CAMTA1: variants seen among roughly 807,000 people sequenced by gnomAD.
CAMTA1 encodes calmodulin binding transcription activator 1, also known as calmodulin-binding transcription activator 1.
In CAMTA1, 27 loss-of-function variants were observed where a neutral mutation model predicts 170.9. That is an observed-to-expected ratio of 0.16 (90% CI 0.12 to 0.22). The LOEUF (loss-of-function observed/expected upper bound fraction) is 0.22. Among genes scored for constraint, CAMTA1 ranks in the 10% least tolerant of loss-of-function variants. The pLI, the probability that CAMTA1 is intolerant of heterozygous loss-of-function variation, is 1.00. For missense variants in CAMTA1, 1,619 were observed against 2,217.2 expected, an observed-to-expected ratio of 0.73 and a Z score of 5.42; for synonymous variants, 833 against 891.5, an observed-to-expected ratio of 0.93 and a Z score of 1.17.
At chr1:7,270,228 T>C (rs1369126019) in intron 5 of CAMTA1, among the ~76,000 whole-genome samples, 1,279 of 87,082 alleles carry the variant, frequency 0.015, 13 homozygotes, top group African/African-American at 0.061. Context: ...TATACATATA[T>C]ATACACATAT....
intron 5 of CAMTA1, among the ~76,000 whole-genome samples, chr1:7,444,901 C>T (rs2092639874): frequency 1.3e-5 from 2 of 152,178 alleles, no homozygotes; most frequent in Admixed American, 1.3e-4. Context: ...ATGCCAGGCC[C>T]TGAGAATATA....
At chr1:7,607,061 A>G in intron 6 of CAMTA1, among the ~76,000 whole-genome samples, 1 of 152,184 alleles carries the variant, frequency 6.6e-6, no homozygotes, top group East Asian at 1.9e-4. Flanking sequence ...AGAAGGGAGG[A>G]CGGATGCATG....
Position 7,499,756 on chromosome 1 carries a change from G to T in CAMTA1, c.510+31855G>T, listed in dbSNP as rs1453597408. ...TGAGTGAGTGTGTAGAGAGGATTGT[G>T]TGAGCCTGTTGTGAGTGTGTGTGTC... is the stretch of plus-strand genomic sequence containing the variant. On this transcript the variant is annotated intron_variant, in intron 6 of 22. Coordinates refer to ENST00000303635, the MANE Select transcript of CAMTA1 (RefSeq NM_015215.4). Among the ~76,000 whole-genome samples, 3 of 140,570 alleles carry T rather than the reference G, an allele frequency of 2.1e-5. 1 individual carries two copies. The highest frequency in any genetic ancestry group is 4.6e-5 in the Non-Finnish European group (3 of 65,312). 92.2% of individuals were successfully genotyped at this position (140,570 alleles called of 152,430 possible).
intron 6 of CAMTA1, among the ~76,000 whole-genome samples, chr1:7,520,217 CT>C: frequency 1.5e-3 from 1 of 688 alleles, no homozygotes; most frequent in Non-Finnish European, 2.6e-3. Context: ...CCTCCTCCTC[CT>C]CCTCCTCCTC....
At chr1:7,475,409 C>T (rs922759897) in intron 6 of CAMTA1, among the ~76,000 whole-genome samples, 1 of 152,188 alleles carries the variant, frequency 6.6e-6, no homozygotes, top group African/African-American at 2.4e-5. Context: ...ACATTTGGAC[C>T]CATGTGCTTC....
intron 7 of CAMTA1, among the ~76,000 whole-genome samples, chr1:7,650,339 T>A (rs1240104743): frequency 6.6e-6 from 1 of 152,202 alleles, no homozygotes; most frequent in Non-Finnish European, 1.5e-5. Flanking sequence ...GGAGATTTCC[T>A]GTGAGGCCAG....
chr1:7,024,507 C>G (rs1318107371), intron 3 of CAMTA1, among the ~76,000 whole-genome samples: 1 of 152,248 alleles, frequency 6.6e-6, no homozygotes, highest in Non-Finnish European at 1.5e-5. Flanking sequence ...AAATAGGATA[C>G]TTTTGGTTCT....
At chr1:7,168,661 C>T (rs1648995436) in intron 4 of CAMTA1, among the ~76,000 whole-genome samples, 1 of 152,224 alleles carries the variant, frequency 6.6e-6, no homozygotes. Context: ...ACCTCGGCCT[C>T]CTAAAGTGCT....
Position 7,766,738 on chromosome 1 carries a change from T to C in CAMTA1, c.*247T>C. The C allele has an allele frequency of 2.0e-6, 1 of 500,852 alleles. No homozygotes were observed. Among genetic ancestry groups the C allele is most frequent in the Non-Finnish European group, 3.6e-6 (1 of 279,274 alleles). 31.0% of individuals were successfully genotyped at this position (500,852 alleles called of 1,614,324 possible). On this transcript the variant is annotated 3_prime_UTR_variant, in exon 23 of 23. Transcript: ENST00000303635. Reference sequence around the variant, plus strand: ...TTTGATCAGCAAGACATCTTGGAACTCAATCTTCTGTTGGATCACGGGAAA... The same window carrying C: ...TTTGATCAGCAAGACATCTTGGAACCCAATCTTCTGTTGGATCACGGGAAA...
chr1:7,575,273 A>G (rs2095176595), intron 6 of CAMTA1, among the ~76,000 whole-genome samples: 1 of 152,150 alleles, frequency 6.6e-6, no homozygotes, highest in East Asian at 1.9e-4. Flanking sequence ...GTGCCTCTGC[A>G]CTGAATTCCT....
chr1:7,549,207 C>T (rs2094763327), intron 6 of CAMTA1, among the ~76,000 whole-genome samples: 2 of 149,814 alleles, frequency 1.3e-5, no homozygotes, highest in African/African-American at 2.5e-5. Flanking sequence ...GTGGAGGGTG[C>T]CCCCTTAGGG....
At position 7,738,045 on chromosome 1, in the gene CAMTA1, A is replaced by T; in HGVS notation, c.3745A>T (p.Asn1249Tyr). ...DYPAPKKHKL[N>Y]PEYFQTRQEK... ...TCCGGCTCCCAAAAAGCATAAATTGAACCCTGAGTACTTCCAGACAAGGCA... is the reference window on the plus strand; with the variant it reads ...TCCGGCTCCCAAAAAGCATAAATTGTACCCTGAGTACTTCCAGACAAGGCA... Residue 1249 changes from asparagine (N) to tyrosine (Y), a missense_variant, in exon 16 of 23, where the codon AAC becomes TAC. Transcript: ENST00000303635. The surrounding 1 kb of genome is among the most constrained non-coding windows in gnomAD (Gnocchi z 4.9). 6.2e-7 allele frequency: 1 copy of T among 1,614,174 alleles called. No individual in the cohort carries two copies. The highest frequency in any genetic ancestry group is 8.5e-7 in the Non-Finnish European group (1 of 1,180,028).
At chr1:6,938,042 T>C (rs1201321409) in intron 3 of CAMTA1, among the ~76,000 whole-genome samples, 1 of 152,216 alleles carries the variant, frequency 6.6e-6, no homozygotes, top group Admixed American at 6.5e-5. Context: ...AAAACAGAAG[T>C]CTCGGTAAGT....
intron 5 of CAMTA1, among the ~76,000 whole-genome samples, chr1:7,309,221 C>T (rs567436373): frequency 3.4e-5 from 5 of 149,160 alleles, no homozygotes; most frequent in African/African-American, 9.9e-5. Flanking sequence ...AACAACACAT[C>T]GTTGGGTCAT....
At chr1:6,809,973 A>C (rs1428650092) in intron 1 of CAMTA1, among the ~76,000 whole-genome samples, 1 of 152,232 alleles carries the variant, frequency 6.6e-6, no homozygotes, top group Admixed American at 6.5e-5. Flanking sequence ...GTACTGGTAG[A>C]AATGATGGTG....
At chr1:7,042,268 TC>T (rs1704580156) in intron 3 of CAMTA1, among the ~76,000 whole-genome samples, 2 of 152,138 alleles carry the variant, frequency 1.3e-5, no homozygotes, top group South Asian at 4.1e-4. Context: ...TGCCTCCTCG[TC>T]CCCCTTCCCT....
intron 3 of CAMTA1, among the ~76,000 whole-genome samples, chr1:6,894,322 G>A (rs533683816): frequency 1.9e-4 from 29 of 152,258 alleles, no homozygotes; most frequent in African/African-American, 5.8e-4. Context: ...AGTAAAAATA[G>A]CATGGAATAA....
At position 7,640,534 on chromosome 1, in the gene CAMTA1, C is replaced by T. The variant is rs990911189; in HGVS notation, c.645C>T (p.Ile215=). Residue 215 remains isoleucine, a synonymous_variant, in exon 7 of 23, where the codon ATC becomes ATT. Transcript: ENST00000303635. ...CGAAATGGACGAAAGAAGAGCTCAT[C>T]GGGCAGCTGAAACCCATGTGTGAGT... The part of the protein sequence containing the change: ...EWAKWTKEEL[I]GQLKPMFHGI... The T allele has an allele frequency of 1.2e-5, 20 of 1,614,100 alleles. No homozygotes were observed. Among genetic ancestry groups the T allele is most frequent in the South Asian group, 3.3e-5 (3 of 91,090 alleles).
chr1:7,416,433 A>C (rs1003529877), intron 5 of CAMTA1, among the ~76,000 whole-genome samples: 1 of 152,188 alleles, frequency 6.6e-6, no homozygotes, highest in Non-Finnish European at 1.5e-5. Context: ...ACATAGTCTT[A>C]TATTTCTTGG....
Sources: allele counts gnomAD v4.1 joint callset (sites outside exome capture counted in the v4.1 genomes callset), GRCh38; gene constraint gnomAD v4.1.1; non-coding constraint Gnocchi (gnomAD v3.1); transcripts MANE v1.5; gene names NCBI Gene and HGNC (gene_info 2026-07-23, HGNC 2026-07-21).